SGK3: variants seen among roughly 807,000 people sequenced by gnomAD.
The protein encoded by SGK3 is serum/glucocorticoid regulated kinase family member 3.
Under a neutral mutation model 68.5 loss-of-function variants are expected in SGK3, and 47 were observed. That is an observed-to-expected ratio of 0.69 (90% CI 0.54 to 0.87). The LOEUF (loss-of-function observed/expected upper bound fraction) is 0.87. Ranked by LOEUF, SGK3 falls within the 40% of genes least tolerant of loss-of-function variation. The probability of loss-of-function intolerance (pLI) is 0.00; values close to 1 mark genes in which losing one functional copy is unlikely to be tolerated. For missense variants in SGK3, 479 were observed against 575.5 expected, an observed-to-expected ratio of 0.83 and a Z score of 1.72; for synonymous variants, 181 against 189.1, an observed-to-expected ratio of 0.96 and a Z score of 0.35.
At chr8:66,848,334 G>C (rs190842017) in intron 15 of SGK3, among the ~76,000 whole-genome samples, 1 of 152,116 alleles carries the variant, frequency 6.6e-6, no homozygotes, top group East Asian at 1.9e-4. Flanking sequence ...TGTGAACCTC[G>C]TCTGTGCTTC....
At chr8:66,744,444 G>T (rs1805568323) in intron 1 of SGK3, among the ~76,000 whole-genome samples, 1 of 127,936 alleles carries the variant, frequency 7.8e-6, no homozygotes. Flanking sequence ...CTGTTATTTG[G>T]TGAAATTATC....
chr8:66,761,922 T>C (rs1386962300), intron 1 of SGK3, among the ~76,000 whole-genome samples: 1 of 152,228 alleles, frequency 6.6e-6, no homozygotes, highest in Non-Finnish European at 1.5e-5. Context: ...CTAAATCTTA[T>C]TGCACTCCCC....
rs1804527589 is a variant in SGK3, at chr8:66,712,853, G to A, written c.-122+20G>A. 1 of 151,528 alleles carries A rather than the reference G, an allele frequency of 6.6e-6. No homozygotes were observed. Among genetic ancestry groups the A allele is most frequent in the African/African-American group, 2.4e-5 (1 of 41,368 alleles). 9.4% of individuals were successfully genotyped at this position (151,528 alleles called of 1,614,324 possible). A position where few individuals can be genotyped will look rare whatever the true frequency, so the allele number is the denominator to read the frequency against. On this transcript the variant is annotated intron_variant, in intron 1 of 16. Transcript: ENST00000521198. The stretch of plus-strand genomic sequence containing the variant: ...GGCCAGGTAGGTGCGGGGCCGGCGG[G>A]AGGGTCCGCGCGCCCGGGACTCCGA...
rs1177940065 is a variant in SGK3 at position 66,723,131 on chromosome 8, A to ATTTTTTT, written c.-122+10313_-122+10319dup. On this transcript the variant is annotated intron_variant, in intron 1 of 16. Coordinates refer to ENST00000521198, the MANE Select transcript of SGK3 (RefSeq NM_001033578.3). ...TATATATATATATATATATATATATATTTTTTTTTTTTTTTTTTTTTGTAA... is the reference window on the plus strand; with the variant it reads ...TATATATATATATATATATATATATATTTTTTTTTTTTTTTTTTTTTTTTTTTTGTAA... 6.1e-4 allele frequency among the ~76,000 whole-genome samples: 18 copies of ATTTTTTT among 29,486 alleles called. 2 individuals are homozygous for ATTTTTTT. Among genetic ancestry groups the ATTTTTTT allele is most frequent in the East Asian group, 1.7e-3 (1 of 582 alleles). The allele number at this position is 29,486 out of a possible 152,430, so 19.3% of individuals were successfully genotyped here.
chr8:66,792,946 G>A (rs1297973589), intron 1 of SGK3, among the ~76,000 whole-genome samples: 4 of 152,202 alleles, frequency 2.6e-5, no homozygotes, highest in Non-Finnish European at 5.9e-5. Flanking sequence ...GTCATGTGGT[G>A]TCAGAGTATG....
At chr8:66,840,767 C>T (rs113429511) in intron 12 of SGK3, 30 of 247,344 alleles carry the variant, frequency 1.2e-4, no homozygotes, top group African/African-American at 5.6e-4. Flanking sequence ...GGCAACATGG[C>T]GAAACACCAT....
intron 4 of SGK3, among the ~76,000 whole-genome samples, chr8:66,810,467 G>A (rs758356733): frequency 2.6e-5 from 4 of 152,184 alleles, no homozygotes; most frequent in African/African-American, 7.2e-5. Context: ...TTGGGAGGCC[G>A]AGGTGGGTGG....
intron 1 of SGK3, among the ~76,000 whole-genome samples, chr8:66,762,396 A>T (rs1386901209): frequency 6.6e-6 from 1 of 152,196 alleles, no homozygotes; most frequent in Non-Finnish European, 1.5e-5. Context: ...ATGTGCCTTT[A>T]ATCCCAGGTA....
chr8:66,840,859 T>C, intron 12 of SGK3, 165 bp from the exon 13 acceptor site: 1 of 374,966 alleles, frequency 2.7e-6, no homozygotes, highest in Non-Finnish European at 4.7e-6. Flanking sequence ...TGAGAATCGC[T>C]TGAACCCAGG....
At chr8:66,715,275 TG>T (rs1804599854) in intron 1 of SGK3, among the ~76,000 whole-genome samples, 1 of 151,968 alleles carries the variant, frequency 6.6e-6, no homozygotes, top group Non-Finnish European at 1.5e-5. Flanking sequence ...GTTTTTTTTT[TG>T]AGACAGAGTC....
chr8:66,793,215 C>T (rs1222422782), intron 1 of SGK3, among the ~76,000 whole-genome samples: 1 of 152,092 alleles, frequency 6.6e-6, no homozygotes, highest in African/African-American at 2.4e-5. Context: ...GTTTCAGTTG[C>T]CTCATTTGTA....
At chr8:66,773,331 G>C (rs908137736) in intron 1 of SGK3, among the ~76,000 whole-genome samples, 3 of 152,178 alleles carry the variant, frequency 2.0e-5, no homozygotes, top group South Asian at 4.1e-4. Context: ...CCAAGGACCT[G>C]GTGACCAAAC....
intron 1 of SGK3, among the ~76,000 whole-genome samples, chr8:66,758,652 A>G (rs1323900526): frequency 6.6e-6 from 1 of 152,122 alleles, no homozygotes; most frequent in Non-Finnish European, 1.5e-5. Flanking sequence ...AGCTTCTTAG[A>G]TATTAGATAC....
intron 2 of SGK3, among the ~76,000 whole-genome samples, chr8:66,795,350 A>G (rs532537609): frequency 5.9e-5 from 9 of 152,338 alleles, no homozygotes; most frequent in Non-Finnish European, 1.2e-4. Flanking sequence ...CTCAGCCTCT[A>G]TATTGCAGGA....
intron 1 of SGK3, among the ~76,000 whole-genome samples, chr8:66,748,998 G>A (rs1019336000): frequency 1.3e-5 from 2 of 152,050 alleles, no homozygotes; most frequent in East Asian, 1.9e-4. Flanking sequence ...AGGCTCAAGC[G>A]ATCCTCCCAT....
chr8:66,732,876 T>C (rs540494338), intron 1 of SGK3, among the ~76,000 whole-genome samples: 1 of 152,276 alleles, frequency 6.6e-6, no homozygotes, highest in South Asian at 2.1e-4. Flanking sequence ...ATTATTGTTT[T>C]GATATTATAA....
intron 1 of SGK3, among the ~76,000 whole-genome samples, chr8:66,720,842 A>G (rs1488799999): frequency 6.6e-6 from 1 of 151,800 alleles, no homozygotes; most frequent in Non-Finnish European, 1.5e-5. Flanking sequence ...GCTACTGGGA[A>G]GGCTAAGGTG....
chr8:66,814,035 A>G (rs889053324), intron 5 of SGK3, 107 bp downstream of exon 5: 2 of 815,490 alleles, frequency 2.5e-6, no homozygotes, highest in Admixed American at 4.0e-5. Flanking sequence ...ACTGTGCTAT[A>G]TATGTTTGTA....
chr8:66,740,657 A>G (rs554461668), intron 1 of SGK3, among the ~76,000 whole-genome samples: 2 of 152,358 alleles, frequency 1.3e-5, no homozygotes, highest in Admixed American at 1.3e-4. Context: ...CTGTAATCCC[A>G]GCACTTCGGG....
Sources: allele counts gnomAD v4.1 joint callset (sites outside exome capture counted in the v4.1 genomes callset), GRCh38; gene constraint gnomAD v4.1.1; transcripts MANE v1.5; gene names NCBI Gene and HGNC (gene_info 2026-07-23, HGNC 2026-07-21).